Variants in RANBP2 observed in about 807,000 individuals in gnomAD.
The protein encoded by RANBP2 is E3 SUMO-protein ligase RanBP2.
A neutral mutation model predicts 303.6 loss-of-function variants in RANBP2; 57 were observed. The ratio of observed to expected loss-of-function variants is 0.19; its 90% CI spans 0.15 to 0.23. RANBP2 has a LOEUF of 0.23. RANBP2 is among the 10% of genes least tolerant of loss of function. RANBP2 has a pLI of 1.00. For synonymous variants in RANBP2, 1,167 were observed against 1,301.5 expected, an observed-to-expected ratio of 0.90 and a Z score of 2.23; for missense variants, 3,138 against 3,780.8, an observed-to-expected ratio of 0.83 and a Z score of 4.46.
chr2:109,364,548 T>TA, the RANBP2 span, among the ~76,000 whole-genome samples: 1 of 152,238 alleles, frequency 6.6e-6, no homozygotes, highest in African/African-American at 2.4e-5. Context: ...ATTTTCTTGA[T>TA]ACCAGACATG....
At chr2:109,126,927 T>A in the RANBP2 span, among the ~76,000 whole-genome samples, 11 of 152,328 alleles carry the variant, frequency 7.2e-5, no homozygotes, top group East Asian at 2.1e-3. Context: ...TTGTCTACCA[T>A]CTGCTCTTGG....
At chr2:109,449,038 G>A in the RANBP2 span, 1 of 1,089,992 alleles carries the variant, frequency 9.2e-7, no homozygotes, top group African/African-American at 1.6e-5. Context: ...GGCCAGGTCT[G>A]TCTGGAGAAA....
At chr2:108,927,032 C>T in the RANBP2 span, among the ~76,000 whole-genome samples, 23 of 152,170 alleles carry the variant, frequency 1.5e-4, no homozygotes, top group African/African-American at 3.9e-4. Context: ...GGCTGGGATT[C>T]GGAGGTGAGG....
intron 2 of RANBP2, among the ~76,000 whole-genome samples, chr2:108,729,802 C>A (rs1330043439): frequency 2.6e-5 from 4 of 151,674 alleles, no homozygotes; most frequent in Non-Finnish European, 4.4e-5. Context: ...TCACTGTAAC[C>A]TCTGCCTTCT....
At chr2:109,262,862 T>A in the RANBP2 span, among the ~76,000 whole-genome samples, 1 of 152,156 alleles carries the variant, frequency 6.6e-6, no homozygotes, top group African/African-American at 2.4e-5. Flanking sequence ...AGACAGAGTC[T>A]TCCTCTGTTG....
the RANBP2 span, among the ~76,000 whole-genome samples, chr2:109,224,567 A>T: frequency 3.3e-5 from 5 of 152,182 alleles, no homozygotes; most frequent in Admixed American, 6.5e-5. Context: ...GGCTTTTAAA[A>T]TTTCATTTTG....
the RANBP2 span, among the ~76,000 whole-genome samples, chr2:109,010,041 A>G: frequency 1.1e-4 from 16 of 152,128 alleles, no homozygotes; most frequent in African/African-American, 2.7e-4. Flanking sequence ...AGTATTTAAC[A>G]GTTCTTCTAA....
chr2:108,836,056 C>G, the RANBP2 span, among the ~76,000 whole-genome samples: 1 of 152,292 alleles, frequency 6.6e-6, no homozygotes, highest in Non-Finnish European at 1.5e-5. Context: ...TAAACACTTC[C>G]CAGTAGATCC....
At chr2:109,148,843 T>C in the RANBP2 span, among the ~76,000 whole-genome samples, 6 of 16,730 alleles carry the variant, frequency 3.6e-4, no homozygotes, top group Admixed American at 1.8e-3. Flanking sequence ...CATGGCAGTG[T>C]TTTTTTTTAA....
chr2:109,545,297 A>C, the RANBP2 span: 1 of 1,437,736 alleles, frequency 7.0e-7, no homozygotes, highest in Non-Finnish European at 9.1e-7. Context: ...GAGAAATAAA[A>C]CAAGGGACAC....
In RANBP2 at chr2:108,740,492, T is replaced by G; in HGVS notation, c.786T>G (p.Phe262Leu). The G allele has an allele frequency of 6.3e-7, 1 of 1,597,596 alleles. No individual in the cohort carries two copies. Reference sequence around the variant, plus strand: ...GTTTGATATTTTCATATTACAGTTTTGATAGTGCTCTTCAGTCTGTGAAAT... The same window carrying G: ...GTTTGATATTTTCATATTACAGTTTGGATAGTGCTCTTCAGTCTGTGAAAT... ...VQESRELLQS[F>L]DSALQSVKSL... Residue 262 changes from phenylalanine (F) to leucine (L), a missense_variant, in exon 7 of 29, where the codon TTT (phenylalanine) becomes TTG (leucine). Transcript: ENST00000283195.
rs536883079 is a variant in RANBP2 at position 108,765,501 on chromosome 2, A to C, written c.4962A>C (p.Pro1654=). 1.3e-6 allele frequency: 2 copies of C among 1,564,978 alleles called. No homozygotes were observed. The highest frequency in any genetic ancestry group is 1.7e-6 in the Non-Finnish European group (2 of 1,160,352). Residue 1654 remains proline, a synonymous_variant, in exon 20 of 29, where the codon CCA becomes CCC. Transcript: ENST00000283195. ...TPASSETSKA[P]KSGFEGMFTK... ...CCTCTTCAGAGACAAGCAAGGCTCC[A>C]AAGAGCGGATTTGAGGGAATGTTCA...
chr2:109,017,169 GA>G, the RANBP2 span, among the ~76,000 whole-genome samples: 3 of 152,242 alleles, frequency 2.0e-5, no homozygotes, highest in African/African-American at 7.2e-5. Flanking sequence ...ACACCCGGTA[GA>G]AACCTTTGCC....
At chr2:109,076,415 ATAAAT>A in the RANBP2 span, among the ~76,000 whole-genome samples, 2 of 148,376 alleles carry the variant, frequency 1.3e-5, no homozygotes, top group Non-Finnish European at 3.0e-5. Context: ...TTCTAGCCAG[ATAAAT>A]TAGATAGGAA....
chr2:109,649,710 T>G, the RANBP2 span, among the ~76,000 whole-genome samples: 1 of 152,210 alleles, frequency 6.6e-6, no homozygotes, highest in Admixed American at 6.5e-5. Context: ...TATTTTGAAT[T>G]TTATACCTTC....
At chr2:109,375,681 G>A in the RANBP2 span, among the ~76,000 whole-genome samples, 3 of 152,260 alleles carry the variant, frequency 2.0e-5, no homozygotes, top group East Asian at 3.9e-4. Context: ...GAGGGACTCC[G>A]TCATCCAGAG....
the RANBP2 span, among the ~76,000 whole-genome samples, chr2:109,055,366 C>CTTTTTTTTTTTTTTTTTTTTTTT: frequency 7.5e-6 from 1 of 133,460 alleles, no homozygotes; most frequent in East Asian, 2.2e-4. Flanking sequence ...TTTTTCTTTT[C>CTTTTTTTTTTTTTTTTTTTTTTT]TTTTTTTTTT....
At chr2:109,732,565 G>A in the RANBP2 span, among the ~76,000 whole-genome samples, 262 of 121,386 alleles carry the variant, frequency 2.2e-3, no homozygotes, top group Admixed American at 3.7e-3. Context: ...TGCAACCTCC[G>A]CCTCCCAGGT....
the RANBP2 span, among the ~76,000 whole-genome samples, chr2:109,469,344 C>T: frequency 1.3e-5 from 2 of 152,244 alleles, no homozygotes; most frequent in African/African-American, 4.8e-5. Flanking sequence ...GGCTGGGCCC[C>T]TGTGGCCCTT....
Sources: gnomAD v4.1 joint callset for allele counts (sites outside exome capture counted in the v4.1 genomes callset) on GRCh38, gnomAD v4.1.1 for gene constraint, MANE v1.5 for transcripts, NCBI Gene and HGNC (gene_info 2026-07-23, HGNC 2026-07-21) for gene names.